RHOBTB3: variants seen among roughly 807,000 people sequenced by gnomAD.
RHOBTB3 encodes the protein Rho related BTB domain containing 3.
In RHOBTB3, 47 loss-of-function variants were observed where a neutral mutation model predicts 67.2. The observed-to-expected ratio is 0.70, with a 90% CI of 0.55 to 0.89. The LOEUF (loss-of-function observed/expected upper bound fraction) is 0.89, where lower values mean the gene tolerates loss of function less well. Ranked by LOEUF, RHOBTB3 falls within the 40% of genes least tolerant of loss-of-function variation. The pLI is 0.00. For missense variants in RHOBTB3, 631 were observed against 750.0 expected (o/e 0.84, Z 1.85); for synonymous variants, 273 against 274.2 (o/e 1.00, Z 0.04).
intron 7 of RHOBTB3, among the ~76,000 whole-genome samples, chr5:95,767,344 T>A (rs1294289111): frequency 2.7e-5 from 1 of 37,336 alleles, no homozygotes; most frequent in Non-Finnish European, 7.1e-5. Flanking sequence ...TTTTCTTTCT[T>A]TTTTTTTTTT....
At chr5:95,746,363 C>T (rs1744914775) in intron 3 of RHOBTB3, among the ~76,000 whole-genome samples, 2 of 152,042 alleles carry the variant, frequency 1.3e-5, no homozygotes, top group African/African-American at 4.8e-5. Flanking sequence ...CACTCCATTC[C>T]ATCAACATAA....
intron 8 of RHOBTB3, 31 bp from the exon 9 acceptor site, chr5:95,780,221 T>A: frequency 6.3e-7 from 1 of 1,598,998 alleles, no homozygotes; most frequent in Non-Finnish European, 8.6e-7. Context: ...TTTATCTCAC[T>A]TGTTTCTTGT....
chr5:95,792,705 T>C (rs1469532808), intron 11 of RHOBTB3, among the ~76,000 whole-genome samples: 3 of 150,910 alleles, frequency 2.0e-5, no homozygotes, highest in Non-Finnish European at 4.4e-5. Context: ...GGCAGGAGAA[T>C]TGCTTGAACT....
At position 95,794,190 on chromosome 5, in the gene RHOBTB3, G is replaced by C. The variant is rs972258929; in HGVS notation, c.*1016G>C. 5.0e-5 allele frequency: 18 copies of C among 362,302 alleles called. No homozygotes were observed. Among genetic ancestry groups the C allele is most frequent in the Non-Finnish European group, 9.2e-5 (17 of 184,844 alleles). 22.4% of individuals were successfully genotyped at this position (362,302 alleles called of 1,614,324 possible). ...TAGCTTTAAAACAGTCACAGTTCTT[G>C]CTCTATCATAGATGAACAAATACTT... On this transcript the variant is annotated 3_prime_UTR_variant, in exon 12 of 12. Coordinates refer to ENST00000379982, the MANE Select transcript of RHOBTB3 (RefSeq NM_014899.4).
At chr5:95,763,271 G>A (rs1745443088) in intron 6 of RHOBTB3, among the ~76,000 whole-genome samples, 1 of 152,196 alleles carries the variant, frequency 6.6e-6, no homozygotes, top group Admixed American at 6.5e-5. Context: ...ATTGCAGAGA[G>A]GTAGCAGCAG....
chr5:95,721,915 C>T lies in RHOBTB3; in HGVS notation n.133+4150C>T, dbSNP rs942246451. 2.0e-5 allele frequency among the ~76,000 whole-genome samples: 3 copies of T among 152,074 alleles called. No homozygotes were observed. The South Asian group carries it at 6.2e-4, about 32-fold the overall frequency. ...CTAATATATAATGGCATTAGCAGGG[C>T]TTTTCTCAAAAAAGGAAAAATCTCT... On this transcript the variant is annotated intron_variant and non_coding_transcript_variant, in intron 1 of 5. Coordinates refer to the RHOBTB3 transcript ENST00000504949.
upstream of RHOBTB3, among the ~76,000 whole-genome samples, chr5:95,730,085 A>T (rs1259668510): frequency 4.9e-5 from 7 of 143,470 alleles, no homozygotes; most frequent in African/African-American, 1.8e-4. Flanking sequence ...AAATTAGATT[A>T]AAAAAAAAAA....
intron 6 of RHOBTB3, chr5:95,755,964 T>C: frequency 1.9e-6 from 1 of 512,964 alleles, no homozygotes; most frequent in South Asian, 3.4e-5. Flanking sequence ...ACTTGCCTCA[T>C]CTTTTCCCTA....
chr5:95,729,853 C>G (rs572289481), upstream of RHOBTB3, among the ~76,000 whole-genome samples: 18 of 152,306 alleles, frequency 1.2e-4, 1 homozygote, highest in South Asian at 3.7e-3. Flanking sequence ...GAATTTTCTT[C>G]TTTTTTAAAC....
intron 11 of RHOBTB3, 33 bp downstream of exon 11, chr5:95,788,891 CTT>C: frequency 7.9e-7 from 1 of 1,262,530 alleles, no homozygotes; most frequent in Non-Finnish European, 1.1e-6. Flanking sequence ...GAAAAGAAAA[CTT>C]TATGTTCTTT....
At chr5:95,734,232 A>G (rs2112773016) in intron 2 of RHOBTB3, among the ~76,000 whole-genome samples, 1 of 152,312 alleles carries the variant, frequency 6.6e-6, no homozygotes, top group Middle Eastern at 3.4e-3. Flanking sequence ...CGATGTTCAT[A>G]CTTCATACAT....
At chr5:95,792,399 AAAAG>A (rs765558611) in intron 11 of RHOBTB3, among the ~76,000 whole-genome samples, 13,740 of 52,144 alleles carry the variant, frequency 0.26, 658 homozygotes, top group African/African-American at 0.46. Context: ...AAAAAAAAAA[AAAAG>A]AAAAGAAAAG....
At chr5:95,775,792 C>T (rs925685357) in intron 8 of RHOBTB3, among the ~76,000 whole-genome samples, 9 of 151,410 alleles carry the variant, frequency 5.9e-5, no homozygotes, top group Admixed American at 3.3e-4. Context: ...AAATGTTTTA[C>T]ACCAAACCAA....
intron 8 of RHOBTB3, chr5:95,770,075 A>T (rs550339370): frequency 3.2e-6 from 1 of 312,726 alleles, no homozygotes; most frequent in South Asian, 3.3e-5. Flanking sequence ...AGGTGATGCT[A>T]TGCTCTTTAA....
chr5:95,750,742 A>G lies in RHOBTB3; in HGVS notation c.571-1497A>G, dbSNP rs576330070. ...CACCCCTAGGCCTGCGGGGTGGCCA[A>G]AGGGTGAGTCTTTATGGGGAATGGG... On this transcript the variant is annotated intron_variant, in intron 4 of 11. Coordinates refer to ENST00000379982, the MANE Select transcript of RHOBTB3 (RefSeq NM_014899.4). Among the ~76,000 whole-genome samples the G allele has an allele frequency of 8.0e-4, 122 of 152,208 alleles. 1 individual carries two copies. Among genetic ancestry groups the G allele is most frequent in the African/African-American group, 2.9e-3 (119 of 41,536 alleles).
chr5:95,758,240 A>C (rs1357703325), intron 6 of RHOBTB3, among the ~76,000 whole-genome samples: 1 of 152,226 alleles, frequency 6.6e-6, no homozygotes, highest in Non-Finnish European at 1.5e-5. Flanking sequence ...CAGATGGAAA[A>C]AAAGAGAAAG....
chr5:95,792,413 G>T (rs1424816806), intron 11 of RHOBTB3, among the ~76,000 whole-genome samples: 1 of 131,162 alleles, frequency 7.6e-6, no homozygotes, highest in Non-Finnish European at 1.7e-5. Flanking sequence ...GAAAAGAAAA[G>T]AAAAGAAAAG....
chr5:95,717,993 C>T (rs1754732337), intron 1 of RHOBTB3, among the ~76,000 whole-genome samples: 1 of 152,242 alleles, frequency 6.6e-6, no homozygotes, highest in Admixed American at 6.5e-5. Context: ...CAACTAAGAA[C>T]TTATAAAATA....
At chr5:95,760,226 G>A (rs1284611730) in intron 6 of RHOBTB3, among the ~76,000 whole-genome samples, 1 of 152,168 alleles carries the variant, frequency 6.6e-6, no homozygotes, top group Non-Finnish European at 1.5e-5. Flanking sequence ...TAATGTATAA[G>A]TACTTAACTA....
Sources: allele counts gnomAD v4.1 joint callset (sites outside exome capture counted in the v4.1 genomes callset), GRCh38; gene constraint gnomAD v4.1.1; transcripts MANE v1.5; gene names NCBI Gene and HGNC (gene_info 2026-07-23, HGNC 2026-07-21).